SGCD: variants seen among roughly 807,000 people sequenced by gnomAD.
SGCD encodes the protein delta-sarcoglycan.
A neutral mutation model predicts 36.6 loss-of-function variants in SGCD; 18 were observed. The ratio of observed to expected loss-of-function variants is 0.49; its 90% CI spans 0.34 to 0.73. The LOEUF (loss-of-function observed/expected upper bound fraction) is 0.73, where lower values mean the gene tolerates loss of function less well. SGCD is among the 30% of genes least tolerant of loss of function. The pLI is 0.01. For synonymous variants in SGCD, 133 were observed against 130.6 expected (o/e 1.02, Z -0.12); for missense variants, 387 against 346.7 (o/e 1.12, Z -0.92).
At chr5:156,726,689 T>C (rs1446128972) in intron 7 of SGCD, among the ~76,000 whole-genome samples, 1 of 152,202 alleles carries the variant, frequency 6.6e-6, no homozygotes, top group African/African-American at 2.4e-5. Flanking sequence ...TCCTCAAGCA[T>C]GGGTTAGCCG....
intron 7 of SGCD, among the ~76,000 whole-genome samples, chr5:156,749,083 A>ATGT (rs1757054693): frequency 6.6e-6 from 1 of 152,138 alleles, no homozygotes; most frequent in African/African-American, 2.4e-5. Flanking sequence ...TAAGGAACTG[A>ATGT]TGTTATACAG....
At chr5:156,144,052 A>G (rs886977047) in intron 3 of SGCD, among the ~76,000 whole-genome samples, 1 of 151,552 alleles carries the variant, frequency 6.6e-6, no homozygotes, top group African/African-American at 2.4e-5. Flanking sequence ...CCGTGTCCCT[A>G]CAAAGGACAT....
At chr5:155,928,867 A>T (rs1368067915) in intron 1 of SGCD, among the ~76,000 whole-genome samples, 1 of 152,076 alleles carries the variant, frequency 6.6e-6, no homozygotes, top group East Asian at 1.9e-4. Flanking sequence ...ATCTCCAAGG[A>T]TATCTTTAAA....
intron 2 of SGCD, among the ~76,000 whole-genome samples, chr5:156,337,524 G>A (rs560045411): frequency 1.4e-4 from 21 of 152,156 alleles, no homozygotes; most frequent in African/African-American, 4.1e-4. Flanking sequence ...TCTTCAGGCC[G>A]TAGTGCTTGC....
intron 1 of SGCD, among the ~76,000 whole-genome samples, chr5:156,112,811 C>A (rs888838071): frequency 2.0e-5 from 3 of 152,148 alleles, no homozygotes; most frequent in African/African-American, 7.2e-5. Flanking sequence ...CCCCTCCATA[C>A]TGAGGTGATG....
At chr5:156,680,589 C>T (rs1421313833) in intron 7 of SGCD, among the ~76,000 whole-genome samples, 1 of 152,144 alleles carries the variant, frequency 6.6e-6, no homozygotes, top group Non-Finnish European at 1.5e-5. Context: ...GCACATCTTA[C>T]ACACGTTTAG....
At chr5:155,820,182 G>T in the SGCD span, among the ~76,000 whole-genome samples, 37 of 152,268 alleles carry the variant, frequency 2.4e-4, no homozygotes, top group African/African-American at 8.4e-4. Context: ...GAAAGGTCAA[G>T]CTTTCATCAA....
chr5:156,356,708 G>T (rs191594772), intron 3 of SGCD, among the ~76,000 whole-genome samples: 1 of 152,296 alleles, frequency 6.6e-6, no homozygotes, highest in East Asian at 1.9e-4. Flanking sequence ...CTTGGAGCCT[G>T]TGAGTGTTAC....
chr5:156,117,130 A>G (rs1761924189), intron 1 of SGCD, among the ~76,000 whole-genome samples: 1 of 152,114 alleles, frequency 6.6e-6, no homozygotes, highest in Admixed American at 6.6e-5. Context: ...TGCCTATACA[A>G]TGGCTCTGTA....
chr5:155,878,459 G>T (rs1321862213), intron 1 of SGCD, among the ~76,000 whole-genome samples: 1 of 151,920 alleles, frequency 6.6e-6, no homozygotes, highest in Non-Finnish European at 1.5e-5. Flanking sequence ...TATTTAGAAT[G>T]GGAAGACATT....
At chr5:155,945,791 A>G (rs1041498568) in intron 1 of SGCD, among the ~76,000 whole-genome samples, 13 of 152,166 alleles carry the variant, frequency 8.5e-5, no homozygotes, top group African/African-American at 2.9e-4. Context: ...AGAGCCTTGA[A>G]GACCACAGTG....
At chr5:156,290,593 T>C (rs1766733043) in intron 3 of SGCD, among the ~76,000 whole-genome samples, 1 of 152,170 alleles carries the variant, frequency 6.6e-6, no homozygotes, top group Non-Finnish European at 1.5e-5. Context: ...GTGTTGAACA[T>C]AGTTCCTGGT....
the SGCD span, among the ~76,000 whole-genome samples, chr5:155,808,213 A>G: frequency 2.0e-5 from 3 of 152,170 alleles, no homozygotes. Flanking sequence ...TGATTTTGTG[A>G]TTTATCCATT....
At chr5:156,331,690 G>A (rs774420836) in intron 2 of SGCD, among the ~76,000 whole-genome samples, 3 of 151,266 alleles carry the variant, frequency 2.0e-5, no homozygotes, top group Non-Finnish European at 4.4e-5. Flanking sequence ...TTACTTGCTG[G>A]AGTTGACATA....
chr5:156,467,185 G>A (rs145936038), intron 3 of SGCD, among the ~76,000 whole-genome samples: 32 of 152,202 alleles, frequency 2.1e-4, no homozygotes, highest in African/African-American at 7.0e-4. Flanking sequence ...TTGATTCATA[G>A]GCCTTATTTT....
chr5:155,729,275 C>T, the SGCD span, among the ~76,000 whole-genome samples: 1 of 152,226 alleles, frequency 6.6e-6, no homozygotes. Flanking sequence ...GCCGCCCGCG[C>T]GTTAAGCTAG....
At chr5:156,092,187 A>G (rs1055588078) in intron 1 of SGCD, among the ~76,000 whole-genome samples, 9 of 152,206 alleles carry the variant, frequency 5.9e-5, no homozygotes, top group African/African-American at 1.9e-4. Flanking sequence ...AGGGATTCAA[A>G]TCTAGCAGAA....
intron 1 of SGCD, among the ~76,000 whole-genome samples, chr5:155,960,607 A>C (rs1757774057): frequency 6.6e-6 from 1 of 152,156 alleles, no homozygotes. Flanking sequence ...AATGCACCTG[A>C]GAAAGGAGAG....
intron 7 of SGCD, among the ~76,000 whole-genome samples, chr5:156,742,994 T>A (rs545862197): frequency 6.6e-6 from 1 of 152,300 alleles, no homozygotes; most frequent in African/African-American, 2.4e-5. Context: ...ACCTGTGGTT[T>A]AGTCAAGTTG....
Sources: gnomAD v4.1 joint callset for allele counts (sites outside exome capture counted in the v4.1 genomes callset) on GRCh38, gnomAD v4.1.1 for gene constraint, MANE v1.5 for transcripts, NCBI Gene and HGNC (gene_info 2026-07-23, HGNC 2026-07-21) for gene names.